The following MEGF6 variants were observed in gnomAD, a reference collection of about 807,000 sequenced individuals.
The protein encoded by MEGF6 is multiple epidermal growth factor-like domains protein 6.
In MEGF6, 184 loss-of-function variants were observed where a neutral mutation model predicts 207.1. That is an observed-to-expected ratio of 0.89 (90% CI 0.79 to 1.00). MEGF6 has a LOEUF of 1.00. Ranked by LOEUF, MEGF6 falls within the 50% of genes least tolerant of loss-of-function variation. The pLI is 0.00. For missense variants in MEGF6, 2,282 were observed against 2,202.9 expected (o/e 1.04, Z -0.72); for synonymous variants, 1,038 against 910.0 (o/e 1.14, Z -2.53).
Position 3,496,559 on chromosome 1 carries a change from AGGTG to A in MEGF6, c.3742+92_3742+95del, listed in dbSNP as rs545604604. ...AGCCAGAGGGGGCTGAAGGGCAGGG[AGGTG>A]GGCAGTCGGGGGCCATCCTCCTGCA... is the stretch of plus-strand genomic sequence containing the variant. On this transcript the variant is annotated intron_variant, in intron 29 of 36. Transcript: ENST00000356575. 308 of 1,513,456 alleles carry A rather than the reference AGGTG, an allele frequency of 2.0e-4. 5 individuals are homozygous for A. The South Asian group carries it at 3.6e-3, about 18-fold the overall frequency. The allele number at this position is 1,513,456 out of a possible 1,614,324, so 93.8% of individuals were successfully genotyped here.
chr1:3,501,170 C>T lies in MEGF6; in HGVS notation c.2446+7G>A, dbSNP rs764174557. On this transcript the variant is annotated splice_region_variant and intron_variant, in intron 19 of 36. Transcript: ENST00000356575. The stretch of plus-strand genomic sequence containing the variant: ...CAAAGGCTCAGGGGCAGCTCCAGCT[C>T]ACTCACCGTCCTGGCAGCGGCTGCC... The T allele has an allele frequency of 2.1e-5, 34 of 1,612,418 alleles. No individual in the cohort carries two copies. Among genetic ancestry groups the T allele is most frequent in the Non-Finnish European group, 2.8e-5 (33 of 1,179,886 alleles).
chr1:3,623,594 G>A, the MEGF6 span: 1 of 152,244 alleles, frequency 6.6e-6, no homozygotes, highest in Non-Finnish European at 1.5e-5. Flanking sequence ...CAGGATCCAG[G>A]GTCCTGTTTT....
intron 4 of MEGF6, among the ~76,000 whole-genome samples, chr1:3,561,602 A>G (rs1363986649): frequency 6.6e-6 from 1 of 152,108 alleles, no homozygotes; most frequent in Non-Finnish European, 1.5e-5. Context: ...GAGGCCCAGG[A>G]GCCAGGTCTG....
chr1:3,497,113 G>T lies in MEGF6; in HGVS notation c.3488C>A (p.Pro1163Gln). 4 of 1,573,354 alleles carry T rather than the reference G, an allele frequency of 2.5e-6. No individual in the cohort carries two copies. Among genetic ancestry groups the T allele is most frequent in the Non-Finnish European group, 3.5e-6 (4 of 1,157,336 alleles). Residue 1163 changes from proline to glutamine, a missense_variant, in exon 28 of 37, where the codon CCA becomes CAA. Coordinates refer to ENST00000356575, the MANE Select transcript of MEGF6 (RefSeq NM_001409.4). ...FTGSGCEQAC[P>Q]PGSFGEDCAQ... ...ACAGTCCTCCCCAAAGCTGCCGGGT[G>T]GGCAGGCTGGGTGGAGACAGGCAGG...
intron 4 of MEGF6, among the ~76,000 whole-genome samples, chr1:3,552,656 C>A (rs959435017): frequency 1.3e-5 from 2 of 152,224 alleles, no homozygotes; most frequent in African/African-American, 4.8e-5. Flanking sequence ...TATGGTCACA[C>A]CACGGCACTC....
intron 4 of MEGF6, among the ~76,000 whole-genome samples, chr1:3,554,827 G>A (rs773551597): frequency 2.5e-4 from 38 of 152,188 alleles, no homozygotes; most frequent in Non-Finnish European, 4.7e-4. Flanking sequence ...CTACAAAGTC[G>A]TTGCCATTCA....
At chr1:3,621,511 AATG>A in the MEGF6 span, among the ~76,000 whole-genome samples, 1 of 152,242 alleles carries the variant, frequency 6.6e-6, no homozygotes, top group East Asian at 1.9e-4. Context: ...ATTAATGATT[AATG>A]ATATTTACAT....
chr1:3,538,499 G>A (rs1410070492), intron 4 of MEGF6, among the ~76,000 whole-genome samples: 2 of 152,332 alleles, frequency 1.3e-5, no homozygotes, highest in East Asian at 3.9e-4. Flanking sequence ...CCTGACTGCA[G>A]CTGTCCCTGG....
At chr1:3,579,713 G>A (rs746309689) in intron 4 of MEGF6, 112 bp downstream of exon 4, 29 of 652,402 alleles carry the variant, frequency 4.4e-5, no homozygotes, top group African/African-American at 1.9e-4. Context: ...CCGTTCACTC[G>A]GGGTGTCCCC....
rs1043413556 is a variant in MEGF6, at chr1:3,490,324, C to T, written c.*204G>A. ...AGGCCAGGAGGCGCCTCTCTTCCAGCGGCCATGCGAGGCTTCCCTCCTCAA... is the reference window on the plus strand; with the variant it reads ...AGGCCAGGAGGCGCCTCTCTTCCAGTGGCCATGCGAGGCTTCCCTCCTCAA... On this transcript the variant is annotated 3_prime_UTR_variant, in exon 37 of 37. Coordinates refer to ENST00000356575, the MANE Select transcript of MEGF6 (RefSeq NM_001409.4). 8 of 593,208 alleles carry T rather than the reference C, an allele frequency of 1.3e-5. No individual in the cohort carries two copies. Among genetic ancestry groups the T allele is most frequent in the Non-Finnish European group, 2.3e-5 (8 of 344,154 alleles). The allele number at this position is 593,208 out of a possible 1,614,324, so 36.7% of individuals were successfully genotyped here.
In MEGF6 at chr1:3,492,732, G is replaced by A. The variant is rs750367999; in HGVS notation, c.4423C>T (p.Leu1475=). Residue 1475 remains leucine, a synonymous_variant, in exon 35 of 37, where the codon CTG becomes TTG. Transcript: ENST00000356575. ...RRGQFGPSCT[L]HCDCGGGADC... ...GCCCCACCCCCGCAGTCACAGTGCA[G>A]GGTGCAGCTGGGCCCAAACTGGCCC... is the stretch of plus-strand genomic sequence containing the variant. The A allele has an allele frequency of 6.2e-6, 10 of 1,612,382 alleles. No homozygotes were observed. Among genetic ancestry groups the A allele is most frequent in the Admixed American group, 5.0e-5 (3 of 59,974 alleles).
At chr1:3,586,678 G>A (rs1019870620) in intron 3 of MEGF6, among the ~76,000 whole-genome samples, 3 of 152,190 alleles carry the variant, frequency 2.0e-5, no homozygotes, top group African/African-American at 4.8e-5. Context: ...CGGCCCGAAC[G>A]GAAAAGGAAA....
rs1206852464 is a variant in MEGF6, at chr1:3,490,480, T to A, written c.*48A>T. ...TCTCAGTGGTCACCAAAGGCCAGGG[T>A]CCCCTCTGGCTGGGACTGGAGAGGC... On this transcript the variant is annotated 3_prime_UTR_variant, in exon 37 of 37. Transcript: ENST00000356575. The A allele has an allele frequency of 1.3e-6, 2 of 1,596,544 alleles. No individual in the cohort carries two copies. The highest frequency in any genetic ancestry group is 4.5e-5 in the East Asian group (2 of 44,734).
chr1:3,493,504 C>T, intron 34 of MEGF6: 1 of 537,868 alleles, frequency 1.9e-6, no homozygotes, highest in East Asian at 3.2e-5. Flanking sequence ...CCAACCAGAG[C>T]CCCCTCCCAT....
At position 3,501,301 on chromosome 1, in the gene MEGF6, G is replaced by C. The variant is rs779823450; in HGVS notation, c.2322C>G (p.Pro774=). Residue 774 remains proline (P), a synonymous_variant, in exon 19 of 37, where the codon CCC becomes CCG. Coordinates refer to ENST00000356575, the MANE Select transcript of MEGF6 (RefSeq NM_001409.4). ...RTGEDCEADC[P]EGRWGLGCQE... ...GGCAGCCCAGCCCCCAGCGGCCCTC[G>C]GGACAATCTAGTGCCCACCCCCATG... 2.1e-5 allele frequency: 33 copies of C among 1,597,128 alleles called. No homozygotes were observed. The highest frequency in any genetic ancestry group is 2.7e-5 in the Non-Finnish European group (32 of 1,172,720).
In MEGF6 at chr1:3,510,837, C is replaced by T. The variant is rs200402171; in HGVS notation, c.1180G>A (p.Glu394Lys). Residue 394 changes from glutamate (E) to lysine (K), a missense_variant, in exon 10 of 37, where the codon GAG becomes AAG. Transcript: ENST00000356575. ...CGGTAGCCGGCGTAGCAGCCGCACTCGTACCCGCCAGGGTTGTTGGTGCAC... is the reference window on the plus strand; with the variant it reads ...CGGTAGCCGGCGTAGCAGCCGCACTTGTACCCGCCAGGGTTGTTGGTGCAC... Reference protein sequence around the residue: ...QVCTNNPGGYECGCYAGYRLS... With the variant: ...QVCTNNPGGYKCGCYAGYRLS... The T allele has an allele frequency of 7.4e-6, 12 of 1,610,942 alleles. No individual in the cohort carries two copies. Among genetic ancestry groups the T allele is most frequent in the South Asian group, 6.6e-5 (6 of 91,036 alleles).
chr1:3,527,656 C>T (rs192398271), intron 4 of MEGF6, among the ~76,000 whole-genome samples: 466 of 152,340 alleles, frequency 3.1e-3, no homozygotes, highest in Non-Finnish European at 4.7e-3. Flanking sequence ...GACAGAGGGA[C>T]CTGGTGCCCT....
chr1:3,567,773 C>T (rs973899472), intron 4 of MEGF6, among the ~76,000 whole-genome samples: 1 of 152,198 alleles, frequency 6.6e-6, no homozygotes, highest in Non-Finnish European at 1.5e-5. Flanking sequence ...AGACGGCCCT[C>T]CACCGACCTG....
chr1:3,603,154 C>T (rs1644187549), intron 1 of MEGF6, among the ~76,000 whole-genome samples: 1 of 152,212 alleles, frequency 6.6e-6, no homozygotes, highest in African/African-American at 2.4e-5. Context: ...CAGCCCCATC[C>T]CTGCCAAACT....
Sources: gnomAD v4.1 joint callset for allele counts (sites outside exome capture counted in the v4.1 genomes callset) on GRCh38, gnomAD v4.1.1 for gene constraint, MANE v1.5 for transcripts, NCBI Gene and HGNC (gene_info 2026-07-23, HGNC 2026-07-21) for gene names.